Variants in TOX3 observed in about 807,000 individuals in gnomAD.
TOX3 encodes the protein TOX high mobility group box family member 3, also known as CAG trinucleotide repeat-containing gene F9 protein.
A neutral mutation model predicts 64.3 loss-of-function variants in TOX3; 22 were observed. The ratio of observed to expected loss-of-function variants is 0.34; its 90% CI spans 0.24 to 0.49. The LOEUF (loss-of-function observed/expected upper bound fraction) is 0.49. Among genes scored for constraint, TOX3 ranks in the 20% least tolerant of loss-of-function variants. The probability of loss-of-function intolerance (pLI) is 0.99; values close to 1 mark genes in which losing one functional copy is unlikely to be tolerated. For synonymous variants in TOX3, 291 were observed against 273.6 expected (o/e 1.06, Z -0.63); for missense variants, 661 against 714.4 (o/e 0.93, Z 0.85).
At chr16:52,545,944 T>C (rs13336638) in intron 1 of TOX3, among the ~76,000 whole-genome samples, 2,181 of 152,020 alleles carry the variant, frequency 0.014, 71 homozygotes, top group African/African-American at 0.05. Context: ...CAGGGTGTGG[T>C]GTGGAGGTCT....
rs111491281 is a variant in TOX3, at chr16:52,501,677, C to A, written c.88-33103G>T. Among the ~76,000 whole-genome samples, 291 of 135,298 alleles carry A rather than the reference C, an allele frequency of 2.2e-3. 1 individual carries two copies. The highest frequency in any genetic ancestry group is 8.9e-3 in the African/African-American group (263 of 29,430). The allele number at this position is 135,298 out of a possible 152,430, so 88.8% of individuals were successfully genotyped here. ...TCTATCTCAAAAACAAACAAACAAA[C>A]AAACAAAAAAAAAAACAGAGAGAGA... On this transcript the variant is annotated intron_variant, in intron 1 of 6. Transcript: ENST00000219746.
chr16:52,533,721 A>G (rs1161666650), intron 1 of TOX3, among the ~76,000 whole-genome samples: 1 of 152,248 alleles, frequency 6.6e-6, no homozygotes, highest in Admixed American at 6.5e-5. Context: ...AATAATGTGG[A>G]TGCAAATGAG....
At chr16:52,485,289 T>C (rs1241222496) in intron 1 of TOX3, among the ~76,000 whole-genome samples, 2 of 147,728 alleles carry the variant, frequency 1.4e-5, no homozygotes, top group Non-Finnish European at 3.0e-5. Flanking sequence ...TCCCATGGAA[T>C]ACTATGGAGT....
chr16:52,510,173 A>G (rs1350086983), intron 1 of TOX3, among the ~76,000 whole-genome samples: 2 of 150,976 alleles, frequency 1.3e-5, no homozygotes, highest in African/African-American at 4.9e-5. Flanking sequence ...GCCACTACTT[A>G]CAAGATAAAA....
chr16:52,473,725 G>A (rs1357024684), intron 1 of TOX3, among the ~76,000 whole-genome samples: 1 of 152,136 alleles, frequency 6.6e-6, no homozygotes, highest in Non-Finnish European at 1.5e-5. Context: ...GGATGGGTCT[G>A]GAGCACCACA....
chr16:52,504,728 G>A (rs556107596), intron 1 of TOX3, among the ~76,000 whole-genome samples: 2 of 152,296 alleles, frequency 1.3e-5, no homozygotes, highest in South Asian at 2.1e-4. Context: ...GCAAGGCAAG[G>A]CAAGGCAAGG....
intron 5 of TOX3, 176 bp from the exon 6 acceptor site, chr16:52,444,532 CA>C: frequency 2.3e-6 from 1 of 441,298 alleles, no homozygotes; most frequent in Non-Finnish European, 4.0e-6. Flanking sequence ...CACACACACA[CA>C]CGGATATTAA....
intron 1 of TOX3, among the ~76,000 whole-genome samples, chr16:52,527,918 G>A (rs1366975301): frequency 6.6e-6 from 1 of 152,174 alleles, no homozygotes; most frequent in Admixed American, 6.5e-5. Context: ...ACAACTGGGG[G>A]TGCTGCTGGC....
At position 52,490,626 on chromosome 16, in the gene TOX3, A is replaced by ATTTTTTTTTTTTTTTTTT. The variant is rs3086679; in HGVS notation, c.88-22070_88-22053dup. ...ACTGAGACCTTCCTTCTAGGATGTA[A>ATTTTTTTTTTTTTTTTTT]TTTTTTTTTTTTTTTTTTTTTAATA... On this transcript the variant is annotated intron_variant, in intron 1 of 6. Coordinates refer to ENST00000219746, the MANE Select transcript of TOX3 (RefSeq NM_001080430.4). 5.0e-5 allele frequency among the ~76,000 whole-genome samples: 5 copies of ATTTTTTTTTTTTTTTTTT among 99,052 alleles called. 1 individual carries two copies. The highest frequency in any genetic ancestry group is 4.2e-4 in the South Asian group (1 of 2,400). The allele number at this position is 99,052 out of a possible 152,430, so 65.0% of individuals were successfully genotyped here.
chr16:52,458,349 C>A (rs1033854872), intron 3 of TOX3, among the ~76,000 whole-genome samples: 2 of 152,042 alleles, frequency 1.3e-5, no homozygotes, highest in Non-Finnish European at 2.9e-5. Flanking sequence ...GAAACCATTG[C>A]AAAGGACGAC....
intron 1 of TOX3, among the ~76,000 whole-genome samples, chr16:52,492,564 A>AATATATAT (rs56848244): frequency 0.022 from 1,974 of 90,578 alleles, 53 homozygotes; most frequent in East Asian, 0.056. Flanking sequence ...GTTGTATATA[A>AATATATAT]ATATATATAT....
intron 1 of TOX3, among the ~76,000 whole-genome samples, chr16:52,491,694 T>A (rs1961691512): frequency 6.6e-6 from 1 of 152,136 alleles, no homozygotes. Context: ...GTTCTCAGTA[T>A]TGGATACACT....
chr16:52,478,799 G>A (rs1025999677), intron 1 of TOX3, among the ~76,000 whole-genome samples: 36 of 152,086 alleles, frequency 2.4e-4, no homozygotes, highest in African/African-American at 8.0e-4. Flanking sequence ...AGAACTATAT[G>A]GGACTGGGCT....
chr16:52,454,870 T>G (rs1960471065), intron 3 of TOX3, among the ~76,000 whole-genome samples: 1 of 152,154 alleles, frequency 6.6e-6, no homozygotes, highest in Admixed American at 6.5e-5. Context: ...CCAGAATAAT[T>G]TTTATATACT....
At chr16:52,442,749 A>G (rs984941305) in intron 6 of TOX3, among the ~76,000 whole-genome samples, 6 of 152,226 alleles carry the variant, frequency 3.9e-5, no homozygotes, top group African/African-American at 1.4e-4. Flanking sequence ...AGTTCTTTGA[A>G]TAGAGATTTA....
In TOX3 at chr16:52,519,325, C is replaced by G. The variant is rs1596853229; in HGVS notation, c.87+27312G>C. On this transcript the variant is annotated intron_variant, in intron 1 of 6. Coordinates refer to ENST00000219746, the MANE Select transcript of TOX3 (RefSeq NM_001080430.4). Reference sequence around the variant, plus strand: ...CTAGAAATGTAAGGGTTAGTGCATTCATCAGACAAACTGATAAAAGACACT... The same window carrying G: ...CTAGAAATGTAAGGGTTAGTGCATTGATCAGACAAACTGATAAAAGACACT... 11 of 1,353,214 alleles carry G rather than the reference C, an allele frequency of 8.1e-6. No individual in the cohort carries two copies. The East Asian group carries it at 2.8e-4, about 34-fold the overall frequency. The allele number at this position is 1,353,214 out of a possible 1,614,324, so 83.8% of individuals were successfully genotyped here. A position where few individuals can be genotyped will look rare whatever the true frequency, so the allele number is the denominator to read the frequency against.
chr16:52,493,227 G>A lies in TOX3; in HGVS notation c.88-24653C>T, dbSNP rs45454796. On this transcript the variant is annotated intron_variant, in intron 1 of 6. Coordinates refer to ENST00000219746, the MANE Select transcript of TOX3 (RefSeq NM_001080430.4). ...AATAAGGTGCAAGTGAGAAAGACAT[G>A]TAAGGTAACACTGAGAACTCTTTCA... 1.0e-3 allele frequency among the ~76,000 whole-genome samples: 154 copies of A among 152,274 alleles called. 1 individual carries two copies. Among genetic ancestry groups the A allele is most frequent in the Middle Eastern group, 6.8e-3 (2 of 294 alleles).
intron 1 of TOX3, among the ~76,000 whole-genome samples, chr16:52,538,445 A>G (rs1440807689): frequency 2.6e-5 from 4 of 152,208 alleles, no homozygotes; most frequent in Non-Finnish European, 5.9e-5. Context: ...AATTTGGTAC[A>G]GTTATACTAC....
chr16:52,445,433 G>A (rs1033007021), intron 5 of TOX3: 2 of 152,288 alleles, frequency 1.3e-5, no homozygotes, highest in Non-Finnish European at 2.9e-5. Context: ...CAAGGGGAAG[G>A]AGAGGAGACG....
Sources: gnomAD v4.1 joint callset for allele counts (sites outside exome capture counted in the v4.1 genomes callset) on GRCh38, gnomAD v4.1.1 for gene constraint, MANE v1.5 for transcripts, NCBI Gene and HGNC (gene_info 2026-07-23, HGNC 2026-07-21) for gene names.